FBXO42: variants seen among roughly 807,000 people sequenced by gnomAD.
FBXO42 encodes F-box protein 42.
FBXO42 carries 12 observed loss-of-function variants against 71.7 expected under a neutral mutation model. That is an observed-to-expected ratio of 0.17 (90% CI 0.11 to 0.27). FBXO42 has a LOEUF of 0.27. Among genes scored for constraint, FBXO42 ranks in the 10% least tolerant of loss-of-function variants. The probability of loss-of-function intolerance (pLI) is 1.00; values close to 1 mark genes in which losing one functional copy is unlikely to be tolerated. For synonymous variants in FBXO42, 325 were observed against 327.5 expected, an observed-to-expected ratio of 0.99 and a Z score of 0.08; for missense variants, 707 against 911.9, an observed-to-expected ratio of 0.78 and a Z score of 2.89.
Position 16,251,788 on chromosome 1 carries a change from G to A in FBXO42, c.1039-3C>T. 6.2e-7 allele frequency: 1 copy of A among 1,609,100 alleles called. No homozygotes were observed. The highest frequency in any genetic ancestry group is 1.1e-5 in the South Asian group (1 of 90,732). On this transcript the variant is annotated splice_polypyrimidine_tract_variant and splice_region_variant and intron_variant, in intron 9 of 9. Coordinates refer to ENST00000375592, the MANE Select transcript of FBXO42 (RefSeq NM_018994.3). This position sits in a 1 kb window ranked among gnomAD's most constrained non-coding sequence, Gnocchi z 4.5. ...AAGACCACCACACACTGTCCCACCTGGAAGACAAAGGACCAGTGCTCACAC... is the reference window on the plus strand; with the variant it reads ...AAGACCACCACACACTGTCCCACCTAGAAGACAAAGGACCAGTGCTCACAC...
In FBXO42 at chr1:16,339,460, G is replaced by A. The variant is rs555527792; in HGVS notation, c.-18+12795C>T. Reference sequence around the variant, plus strand: ...CCCGAGTAGCTGGGACTACAGGTGCGTGCCACCACGCCCAGCTAATTTTTG... The same window carrying A: ...CCCGAGTAGCTGGGACTACAGGTGCATGCCACCACGCCCAGCTAATTTTTG... On this transcript the variant is annotated intron_variant, in intron 1 of 9. Coordinates refer to ENST00000375592, the MANE Select transcript of FBXO42 (RefSeq NM_018994.3). Among the ~76,000 whole-genome samples, 105 of 151,934 alleles carry A rather than the reference G, an allele frequency of 6.9e-4. 1 individual carries two copies. Among genetic ancestry groups the A allele is most frequent in the Non-Finnish European group, 1.2e-3 (79 of 67,966 alleles).
intron 3 of FBXO42, among the ~76,000 whole-genome samples, chr1:16,301,386 G>A (rs553893024): frequency 2.0e-5 from 3 of 152,192 alleles, no homozygotes; most frequent in African/African-American, 7.2e-5. Context: ...AAGAAGGCTG[G>A]GTGCGGTGGC....
rs2082196786 is a variant in FBXO42, at chr1:16,301,684, C to CA, written c.367+4118dup. Reference sequence around the variant, plus strand: ...AGACCCCATCTCAAAAAAAAAAAAACAACAAAAAAAAAAGAAACGGTACAA... The same window carrying CA: ...AGACCCCATCTCAAAAAAAAAAAAACAAACAAAAAAAAAAGAAACGGTACAA... On this transcript the variant is annotated intron_variant, in intron 3 of 9. Transcript: ENST00000375592. Among the ~76,000 whole-genome samples the CA allele has an allele frequency of 9.0e-5, 11 of 121,968 alleles. 1 individual carries two copies. Among genetic ancestry groups the CA allele is most frequent in the Non-Finnish European group, 1.7e-4 (9 of 53,734 alleles). 80.0% of individuals were successfully genotyped at this position (121,968 alleles called of 152,430 possible).
At chr1:16,315,852 C>T (rs899977586) in intron 1 of FBXO42, among the ~76,000 whole-genome samples, 3 of 152,112 alleles carry the variant, frequency 2.0e-5, no homozygotes, top group African/African-American at 4.8e-5. Flanking sequence ...AAAGTAATAA[C>T]ATTCTGAGAA....
At chr1:16,277,920 T>C (rs1460032804) in intron 4 of FBXO42, among the ~76,000 whole-genome samples, 1 of 151,968 alleles carries the variant, frequency 6.6e-6, no homozygotes, top group East Asian at 1.9e-4. Flanking sequence ...CATATGTCTA[T>C]AGTCCCAGCT....
At chr1:16,276,670 G>A (rs762469480) in intron 4 of FBXO42, among the ~76,000 whole-genome samples, 1 of 152,208 alleles carries the variant, frequency 6.6e-6, no homozygotes, top group African/African-American at 2.4e-5. Context: ...ACAAGGATAA[G>A]GCATCATATG....
At chr1:16,318,771 T>A (rs1223982734) in intron 1 of FBXO42, among the ~76,000 whole-genome samples, 1 of 152,110 alleles carries the variant, frequency 6.6e-6, no homozygotes, top group East Asian at 1.9e-4. Context: ...AGAGGAGCCA[T>A]CAGACCACAA....
intron 1 of FBXO42, among the ~76,000 whole-genome samples, chr1:16,351,613 C>T (rs1329807421): frequency 6.6e-6 from 1 of 152,186 alleles, no homozygotes; most frequent in Non-Finnish European, 1.5e-5. Flanking sequence ...GTTTTCTCTT[C>T]GCTTACAAAT....
chr1:16,309,280 C>T (rs1242401233), intron 2 of FBXO42, among the ~76,000 whole-genome samples: 2 of 149,774 alleles, frequency 1.3e-5, no homozygotes, highest in East Asian at 4.0e-4. Context: ...GGTTTCACCA[C>T]GTTGGCCAGG....
At chr1:16,263,177 C>T (rs545402028) in intron 4 of FBXO42, among the ~76,000 whole-genome samples, 1 of 151,882 alleles carries the variant, frequency 6.6e-6, no homozygotes, top group Non-Finnish European at 1.5e-5. Flanking sequence ...TTAAAGAGTG[C>T]CTAAGCCAGG....
At chr1:16,340,007 C>G (rs532931152) in intron 1 of FBXO42, among the ~76,000 whole-genome samples, 1 of 152,106 alleles carries the variant, frequency 6.6e-6, no homozygotes, top group South Asian at 2.1e-4. Context: ...GAAACCCTGT[C>G]TCTACTAAAA....
intron 1 of FBXO42, among the ~76,000 whole-genome samples, chr1:16,335,685 G>A (rs1278376555): frequency 6.6e-6 from 1 of 151,848 alleles, no homozygotes; most frequent in Non-Finnish European, 1.5e-5. Context: ...GGCCAGCATG[G>A]TGAAACACCA....
rs2100441681 is a variant in FBXO42, at chr1:16,259,368, C to T, written c.503-2609G>A. ...AGAAAAAAGAAAAAACAAATAAACA[C>T]ATCACAGACTTCAGCAAAATAGTAA... On this transcript the variant is annotated intron_variant, in intron 4 of 9. Coordinates refer to ENST00000375592, the MANE Select transcript of FBXO42 (RefSeq NM_018994.3). Among the ~76,000 whole-genome samples, 3 of 152,322 alleles carry T rather than the reference C, an allele frequency of 2.0e-5. No homozygotes were observed. The South Asian group carries it at 6.2e-4, about 32-fold the overall frequency.
chr1:16,324,234 G>T (rs796415397), intron 1 of FBXO42, among the ~76,000 whole-genome samples: 1 of 152,004 alleles, frequency 6.6e-6, no homozygotes, highest in Non-Finnish European at 1.5e-5. Flanking sequence ...TAAAAATACC[G>T]TGCTTATTGC....
chr1:16,253,668 G>A lies in FBXO42; in HGVS notation c.831C>T (p.Gly277=). The A allele has an allele frequency of 1.2e-6, 2 of 1,614,208 alleles. No individual in the cohort carries two copies. The highest frequency in any genetic ancestry group is 1.1e-5 in the South Asian group (1 of 91,080). Residue 277 remains glycine, a synonymous_variant, in exon 7 of 10, where the codon GGC becomes GGT. Transcript: ENST00000375592. ...GGCCACCTCGAGGATGAGGACTGGG[G>A]CCAGAGATGTTCGGCTTGGACCACG... ...QWAWSKPNIS[G]PSPHPRGGQS...
At chr1:16,266,430 G>A (rs1014755223) in intron 4 of FBXO42, among the ~76,000 whole-genome samples, 1 of 152,162 alleles carries the variant, frequency 6.6e-6, no homozygotes, top group African/African-American at 2.4e-5. Flanking sequence ...GATAGGTTAA[G>A]TCTCCCCATC....
At position 16,251,527 on chromosome 1, in the gene FBXO42, C is replaced by T; in HGVS notation, c.1297G>A (p.Gly433Arg). 6.2e-7 allele frequency: 1 copy of T among 1,614,190 alleles called. No individual in the cohort carries two copies. ...SREGSLSPARGDGSPILNGGS... is the reference protein window; with the variant it reads ...SREGSLSPARRDGSPILNGGS... ...CCATTGAGGATAGGAGAGCCGTCTC[C>T]TCTGGCTGGGGAAAGGCTCCCTTCC... Residue 433 changes from glycine (G) to arginine (R), a missense_variant, in exon 10 of 10, where the codon GGA (glycine) becomes AGA (arginine). By Grantham distance (125) the Gly-to-Arg change is moderately radical (BLOSUM62 -2). Transcript: ENST00000375592. The surrounding 1 kb of genome is among the most constrained non-coding windows in gnomAD (Gnocchi z 4.5).
chr1:16,296,649 C>CAAAAAAAAA (rs58537213), intron 3 of FBXO42, among the ~76,000 whole-genome samples: 1 of 91,336 alleles, frequency 1.1e-5, no homozygotes, highest in African/African-American at 3.9e-5. Context: ...GACTCCATCT[C>CAAAAAAAAA]AAAAAAAAAA....
chr1:16,306,022 C>T, intron 2 of FBXO42, 103 bp from the exon 3 acceptor site: 3 of 814,950 alleles, frequency 3.7e-6, no homozygotes, highest in Non-Finnish European at 3.9e-6. Context: ...ATACAAGTTT[C>T]TTTTTTTTTT....
Sources: allele counts gnomAD v4.1 joint callset (sites outside exome capture counted in the v4.1 genomes callset), GRCh38; gene constraint gnomAD v4.1.1; non-coding constraint Gnocchi (gnomAD v3.1); transcripts MANE v1.5; gene names NCBI Gene and HGNC (gene_info 2026-07-23, HGNC 2026-07-21).